NKIRAS1: variants seen among roughly 807,000 people sequenced by gnomAD.
The protein encoded by NKIRAS1 is NF-kappa-B inhibitor-interacting Ras-like protein 1.
Under a neutral mutation model 19.8 loss-of-function variants are expected in NKIRAS1, and 16 were observed. That is an observed-to-expected ratio of 0.81 (90% CI 0.55 to 1.23). The LOEUF is 1.23. NKIRAS1 is among the 50% of genes most tolerant of loss of function. NKIRAS1 has a pLI of 0.00. For missense variants in NKIRAS1, 184 were observed against 220.0 expected, an observed-to-expected ratio of 0.84 and a Z score of 1.04; for synonymous variants, 88 against 79.0, an observed-to-expected ratio of 1.11 and a Z score of -0.61.
At chr3:23,912,335 A>T (rs1264746684) in intron 1 of NKIRAS1, among the ~76,000 whole-genome samples, 1 of 152,206 alleles carries the variant, frequency 6.6e-6, no homozygotes, top group African/African-American at 2.4e-5. Context: ...AACTTAAAAA[A>T]ATTTATAAGA....
rs553364826 is a variant in NKIRAS1 at position 23,926,297 on chromosome 3, C to T, written c.-139-14847G>A. On this transcript the variant is annotated intron_variant, in intron 1 of 4. Transcript: ENST00000421515. The surrounding 1 kb of genome is among the most constrained non-coding windows in gnomAD (Gnocchi z 4.3). Reference sequence around the variant, plus strand: ...AAACGCCTGACCTTAGGTGATCCACCTGCCTTGGACTCCCAAAGTGCTGGG... The same window carrying T: ...AAACGCCTGACCTTAGGTGATCCACTTGCCTTGGACTCCCAAAGTGCTGGG... Among the ~76,000 whole-genome samples the T allele has an allele frequency of 3.3e-5, 5 of 152,306 alleles. No individual in the cohort carries two copies. The highest frequency in any genetic ancestry group is 3.3e-4 in the Admixed American group (5 of 15,306).
At chr3:23,894,635 G>GCA (rs1559500711) in intron 4 of NKIRAS1, among the ~76,000 whole-genome samples, 3 of 94,400 alleles carry the variant, frequency 3.2e-5, no homozygotes, top group African/African-American at 1.1e-4. Flanking sequence ...CCACCTCTGC[G>GCA]TCCTCCACCT....
chr3:23,909,223 T>C (rs1703392432), intron 3 of NKIRAS1, among the ~76,000 whole-genome samples: 1 of 152,116 alleles, frequency 6.6e-6, no homozygotes. Flanking sequence ...AAATGGTTAA[T>C]GAAAAACAGA....
intron 1 of NKIRAS1, among the ~76,000 whole-genome samples, chr3:23,928,659 A>C (rs1705251024): frequency 6.6e-6 from 1 of 150,938 alleles, no homozygotes; most frequent in African/African-American, 2.4e-5. Context: ...CAGACCAAAA[A>C]AACAGAAGCC....
rs1705236782 is a variant in NKIRAS1, at chr3:23,927,909, T to A, written c.-139-16459A>T. Among the ~76,000 whole-genome samples, 2 of 152,022 alleles carry A rather than the reference T, an allele frequency of 1.3e-5. No individual in the cohort carries two copies. The highest frequency in any genetic ancestry group is 4.1e-4 in the South Asian group (2 of 4,820). Reference sequence around the variant, plus strand: ...GCCTGGGCAACATGGTGAGATCCTGTCTCTACAAAAGATTAAACAATTAGC... The same window carrying A: ...GCCTGGGCAACATGGTGAGATCCTGACTCTACAAAAGATTAAACAATTAGC... On this transcript the variant is annotated intron_variant, in intron 1 of 4. Coordinates refer to the NKIRAS1 transcript ENST00000421515. This position sits in a 1 kb window ranked among gnomAD's most constrained non-coding sequence, Gnocchi z 4.0.
At chr3:23,912,014 T>C (rs533602135) in intron 1 of NKIRAS1, among the ~76,000 whole-genome samples, 1 of 151,968 alleles carries the variant, frequency 6.6e-6, no homozygotes, top group South Asian at 2.1e-4. Flanking sequence ...TCCGCCTGCC[T>C]TGGCCTCCCA....
chr3:23,940,906 G>C (rs778189751), intron 1 of NKIRAS1, among the ~76,000 whole-genome samples: 165 of 152,312 alleles, frequency 1.1e-3, no homozygotes, highest in Non-Finnish European at 1.1e-3. Flanking sequence ...AGAGCTATTT[G>C]TTGCTATGTG....
upstream of NKIRAS1, chr3:23,919,602 T>C (rs1037529719): frequency 1.3e-5 from 19 of 1,423,842 alleles, no homozygotes; most frequent in Non-Finnish European, 1.7e-5. Context: ...TGCAGATGTT[T>C]CTTGAATGCT....
rs1705641129 is a variant in NKIRAS1 at position 23,945,618 on chromosome 3, G to A, written c.-140+705C>T. 1.3e-5 allele frequency: 15 copies of A among 1,176,324 alleles called. No homozygotes were observed. The East Asian group carries it at 3.0e-4, about 24-fold the overall frequency. The allele number at this position is 1,176,324 out of a possible 1,614,324, so 72.9% of individuals were successfully genotyped here. The stretch of plus-strand genomic sequence containing the variant: ...AGGTAAGAACCGGACTGCGGCGGGT[G>A]GGGGATGGCCGGAGGGAGCGCTCAG... On this transcript the variant is annotated intron_variant, in intron 1 of 4. Coordinates refer to the NKIRAS1 transcript ENST00000421515.
intron 1 of NKIRAS1, among the ~76,000 whole-genome samples, chr3:23,943,301 C>T (rs1705542779): frequency 6.6e-6 from 1 of 152,172 alleles, no homozygotes; most frequent in African/African-American, 2.4e-5. Flanking sequence ...GGCGCGATCT[C>T]GGCTCACCGC....
chr3:23,931,268 C>G, intron 1 of NKIRAS1, among the ~76,000 whole-genome samples: 1 of 152,182 alleles, frequency 6.6e-6, no homozygotes, highest in East Asian at 1.9e-4. Flanking sequence ...GATTTCATTT[C>G]CTACTACATT....
Position 23,891,056 on chromosome 3 carries a change from C to CAT in NKIRAS1, c.*2037_*2038dup, listed in dbSNP as rs1485613194. On this transcript the variant is annotated 3_prime_UTR_variant, in exon 5 of 5. Transcript: ENST00000425478. ...ACAGAGTTTTTAGAGATTGTCATCTCATATATATAAAATGGACACGTGGCT... is the reference window on the plus strand; with the variant it reads ...ACAGAGTTTTTAGAGATTGTCATCTCATATATATATAAAATGGACACGTGGCT... 1.3e-5 allele frequency: 2 copies of CAT among 152,968 alleles called. No homozygotes were observed. Among genetic ancestry groups the CAT allele is most frequent in the Non-Finnish European group, 2.9e-5 (2 of 68,368 alleles). The allele number at this position is 152,968 out of a possible 1,614,324, so 9.5% of individuals were successfully genotyped here.
rs1486028661 is a variant in NKIRAS1, at chr3:23,900,831, C to T, written c.313G>A (p.Asp105Asn). 7 of 1,613,410 alleles carry T rather than the reference C, an allele frequency of 4.3e-6. No homozygotes were observed. Among genetic ancestry groups the T allele is most frequent in the Admixed American group, 3.3e-5 (2 of 59,972 alleles). Residue 105 changes from aspartate (D) to asparagine (N), a missense_variant, in exon 4 of 5, where the codon GAT (aspartate) becomes AAT (asparagine). Physicochemically the swap from Asp to Asn is conservative, Grantham distance 23 (BLOSUM62 1). Transcript: ENST00000425478. ...QRVELLKKEI[D>N]KFKDKKEVAI... ...GCCTCTTTTTTGTCTTTGAACTTAT[C>T]GATTTCTTTCTTCAGAAGCTCCACT...
At chr3:23,945,778 C>T (rs1031063475) in intron 1 of NKIRAS1, among the ~76,000 whole-genome samples, 19 of 150,436 alleles carry the variant, frequency 1.3e-4, no homozygotes, top group Non-Finnish European at 2.2e-4. Flanking sequence ...CGCCCGCCCT[C>T]TTGTCTCCCT....
intron 3 of NKIRAS1, among the ~76,000 whole-genome samples, chr3:23,906,566 A>G (rs905408245): frequency 1.3e-5 from 2 of 152,144 alleles, no homozygotes; most frequent in African/African-American, 4.8e-5. Flanking sequence ...TCTACTCCAC[A>G]TAAAAACAAT....
chr3:23,939,431 CAAAT>C (rs751128981), intron 1 of NKIRAS1, among the ~76,000 whole-genome samples: 1 of 152,082 alleles, frequency 6.6e-6, no homozygotes, highest in Non-Finnish European at 1.5e-5. Flanking sequence ...AGAAAAAGCA[CAAAT>C]AAATAAAATT....
At chr3:23,915,048 C>A (rs1436880561) in intron 1 of NKIRAS1, among the ~76,000 whole-genome samples, 1 of 152,126 alleles carries the variant, frequency 6.6e-6, no homozygotes, top group Non-Finnish European at 1.5e-5. Context: ...TATCGTAATC[C>A]CCCAAACCTG....
intron 3 of NKIRAS1, among the ~76,000 whole-genome samples, chr3:23,902,152 A>AC (rs549336924): frequency 2.1e-3 from 325 of 151,878 alleles, no homozygotes; most frequent in Middle Eastern, 0.02. Flanking sequence ...AACATCCTAT[A>AC]CCCCCCCCAA....
At chr3:23,918,973 G>T (rs111878423), upstream of NKIRAS1, 1 of 586,918 alleles carries the variant, frequency 1.7e-6, no homozygotes, top group East Asian at 2.8e-5. Flanking sequence ...CAGGAATGGA[G>T]TATTAAGAGG....
Sources: gnomAD v4.1 joint callset for allele counts (sites outside exome capture counted in the v4.1 genomes callset) on GRCh38, gnomAD v4.1.1 for gene constraint, Gnocchi (gnomAD v3.1) non-coding constraint, MANE v1.5 for transcripts, NCBI Gene and HGNC (gene_info 2026-07-23, HGNC 2026-07-21) for gene names.